The following RNF38 variants were observed in gnomAD, a reference collection of about 807,000 sequenced individuals.
The protein encoded by RNF38 is ring finger protein 38.
Under a neutral mutation model 67.2 loss-of-function variants are expected in RNF38, and 15 were observed. The observed-to-expected ratio is 0.22, with a 90% confidence interval of 0.15 to 0.34. The LOEUF (loss-of-function observed/expected upper bound fraction) is 0.34. Among genes scored for constraint, RNF38 ranks in the 10% least tolerant of loss-of-function variants. The pLI, the probability that RNF38 is intolerant of heterozygous loss-of-function variation, is 1.00. For synonymous variants in RNF38, 220 were observed against 218.8 expected (o/e 1.01, Z -0.05); for missense variants, 524 against 639.9 (o/e 0.82, Z 1.95).
intron 3 of RNF38, 128 bp downstream of exon 3, chr9:36,375,806 G>T: frequency 1.3e-6 from 1 of 782,740 alleles, no homozygotes; most frequent in Admixed American, 3.7e-5. Flanking sequence ...TTTTTCGTGA[G>T]TGAATGTACG....
intron 2 of RNF38, among the ~76,000 whole-genome samples, chr9:36,420,489 G>A (rs1456718833): frequency 1.5e-5 from 2 of 129,066 alleles, no homozygotes; most frequent in African/African-American, 5.7e-5. Flanking sequence ...CTGAGATCGC[G>A]CCACTGCACT....
At chr9:36,433,401 C>T (rs1007830597) in intron 1 of RNF38, among the ~76,000 whole-genome samples, 2 of 151,590 alleles carry the variant, frequency 1.3e-5, no homozygotes, top group African/African-American at 2.4e-5. Flanking sequence ...TAAATATATA[C>T]ACCTACTAGG....
intron 1 of RNF38, among the ~76,000 whole-genome samples, chr9:36,469,739 G>A (rs1290806711): frequency 6.6e-6 from 1 of 152,136 alleles, no homozygotes; most frequent in Non-Finnish European, 1.5e-5. Flanking sequence ...ACTTTGGGAG[G>A]CCAAGGCAGG....
rs1268552032 is a variant in RNF38 at position 36,337,457 on chromosome 9, A to G, written c.*2295T>C. 6.5e-6 allele frequency: 1 copy of G among 152,696 alleles called. No individual in the cohort carries two copies. The highest frequency in any genetic ancestry group is 2.1e-4 in the South Asian group (1 of 4,830). 9.5% of individuals were successfully genotyped at this position (152,696 alleles called of 1,614,324 possible). ...AGAATTCATAGAGGGAGAGAAGAAA[A>G]AGCTGCTACTCCTAGTCATTAGTAC... On this transcript the variant is annotated 3_prime_UTR_variant, in exon 12 of 12. Transcript: ENST00000259605.
Position 36,416,740 on chromosome 9 carries a change from A to ATTTTTTTTT in RNF38, n.312+7872_312+7873insAAAAAAAAA, listed in dbSNP as rs1491451376. ...AGGGCTCCTTCTTGCTGCTGCCTCGATATTTTTTTTTTTTTTTTTTTTTTT... is the reference window on the plus strand; with the variant it reads ...AGGGCTCCTTCTTGCTGCTGCCTCGATTTTTTTTTTATTTTTTTTTTTTTTTTTTTTTTT... On this transcript the variant is annotated intron_variant and non_coding_transcript_variant, in intron 2 of 3. Coordinates refer to the RNF38 transcript ENST00000488058. 1.3e-3 allele frequency among the ~76,000 whole-genome samples: 94 copies of ATTTTTTTTT among 73,038 alleles called. 1 individual carries two copies. The highest frequency in any genetic ancestry group is 5.1e-3 in the African/African-American group (93 of 18,260). The allele number at this position is 73,038 out of a possible 152,430, so 47.9% of individuals were successfully genotyped here.
rs866288234 is a variant in RNF38 at position 36,367,296 on chromosome 9, T to C, written c.570+2423A>G. On this transcript the variant is annotated intron_variant, in intron 4 of 11. Coordinates refer to ENST00000259605, the MANE Select transcript of RNF38 (RefSeq NM_022781.5). ...TACTTATTTTATCTAGCACGCTCGG[T>C]TGTCCTCAAGCAAAAGGAATGCTAT... Among the ~76,000 whole-genome samples the C allele has an allele frequency of 5.9e-5, 9 of 152,310 alleles. No homozygotes were observed. In the South Asian group the frequency reaches 1.7e-3, roughly 28 times the overall value.
intron 1 of RNF38, among the ~76,000 whole-genome samples, chr9:36,458,133 A>T (rs1839636128): frequency 6.6e-6 from 1 of 152,188 alleles, no homozygotes; most frequent in African/African-American, 2.4e-5. Flanking sequence ...GAGCCTCAAT[A>T]TAGTAGTAAT....
chr9:36,464,614 T>C (rs1587188114), intron 1 of RNF38, among the ~76,000 whole-genome samples: 1 of 151,874 alleles, frequency 6.6e-6, no homozygotes, highest in East Asian at 1.9e-4. Context: ...ATCAGTCATA[T>C]ATATCTACTC....
intron 1 of RNF38, among the ~76,000 whole-genome samples, chr9:36,425,336 G>A (rs1446190941): frequency 3.9e-5 from 6 of 152,140 alleles, no homozygotes; most frequent in African/African-American, 1.4e-4. Context: ...ACAAAATGGT[G>A]AGTCAAAGAT....
At chr9:36,475,874 G>C (rs1172703523) in intron 1 of RNF38, among the ~76,000 whole-genome samples, 1 of 150,950 alleles carries the variant, frequency 6.6e-6, no homozygotes, top group East Asian at 2.0e-4. Context: ...AAATTAGCTA[G>C]GCATGGTGGC....
chr9:36,428,434 T>A, intron 1 of RNF38, among the ~76,000 whole-genome samples: 2 of 143,532 alleles, frequency 1.4e-5, no homozygotes, highest in African/African-American at 2.6e-5. Flanking sequence ...AGGATAAAAC[T>A]GTAGTACAAC....
In RNF38 at chr9:36,409,301, GAAAGAA is replaced by G. The variant is rs1838262236; in HGVS notation, n.312+15306_312+15311del. Among the ~76,000 whole-genome samples the G allele has an allele frequency of 2.8e-5, 4 of 144,640 alleles. No homozygotes were observed. In the South Asian group the frequency reaches 9.1e-4, roughly 33 times the overall value. 94.9% of individuals were successfully genotyped at this position (144,640 alleles called of 152,430 possible). On this transcript the variant is annotated intron_variant and non_coding_transcript_variant, in intron 2 of 3. Coordinates refer to the RNF38 transcript ENST00000488058. ...AAGAAAGAAAGAAAAGAAAGAGAGA[GAAAGAA>G]AAAGAAAGAAAGAAAGAAAAAGAAA... is the stretch of plus-strand genomic sequence containing the variant.
intron 1 of RNF38, among the ~76,000 whole-genome samples, chr9:36,474,524 A>G (rs1433341211): frequency 1.4e-5 from 2 of 148,096 alleles, no homozygotes; most frequent in African/African-American, 5.0e-5. Context: ...TGACGGCTAA[A>G]AATACAGATT....
In RNF38 at chr9:36,435,215, C is replaced by T. The variant is rs73648757; in HGVS notation, n.242-10532G>A. On this transcript the variant is annotated intron_variant and non_coding_transcript_variant, in intron 1 of 3. Coordinates refer to the RNF38 transcript ENST00000488058. ...TCAAAGAAAGCCTTTTCACTGTATG[C>T]TTTTTCCTATTTTTAAATTTTTGAA... 3.0e-3 allele frequency among the ~76,000 whole-genome samples: 463 copies of T among 152,196 alleles called. 2 individuals carry two copies. The highest frequency in any genetic ancestry group is 0.011 in the African/African-American group (442 of 41,560).
intron 4 of RNF38, among the ~76,000 whole-genome samples, chr9:36,359,937 G>C (rs1367047457): frequency 6.6e-6 from 1 of 151,870 alleles, no homozygotes; most frequent in South Asian, 2.1e-4. Context: ...TAGAGACAGG[G>C]TTTCACCATT....
At chr9:36,400,546 G>A (rs572175758), upstream of RNF38, 1,021 of 989,544 alleles carry the variant, frequency 1.0e-3, 3 homozygotes, top group East Asian at 3.3e-3. Context: ...GGCCGCGGCG[G>A]CCAGTACCTG....
intron 2 of RNF38, among the ~76,000 whole-genome samples, chr9:36,381,980 T>C (rs1480244907): frequency 6.6e-6 from 1 of 152,222 alleles, no homozygotes; most frequent in African/African-American, 2.4e-5. Flanking sequence ...ACCAGATTGC[T>C]TGCTGGCCTC....
chr9:36,352,885 T>C (rs566196774), intron 7 of RNF38, 37 bp from the exon 8 acceptor site: 2 of 1,402,310 alleles, frequency 1.4e-6, no homozygotes, highest in South Asian at 1.2e-5. Context: ...AGAATCACTC[T>C]ACGTTTACAA....
intron 1 of RNF38, among the ~76,000 whole-genome samples, chr9:36,425,869 T>C (rs1027574607): frequency 2.6e-5 from 4 of 152,222 alleles, no homozygotes; most frequent in Admixed American, 1.3e-4. Context: ...AGTTAATTTT[T>C]GTATTTTTAG....
Sources: gnomAD v4.1 joint callset for allele counts (sites outside exome capture counted in the v4.1 genomes callset) on GRCh38, gnomAD v4.1.1 for gene constraint, MANE v1.5 for transcripts, NCBI Gene and HGNC (gene_info 2026-07-23, HGNC 2026-07-21) for gene names.